IL21R: variants seen among roughly 807,000 people sequenced by gnomAD.
IL21R encodes the protein interleukin 21 receptor, also known as interleukin-21 receptor.
Under a neutral mutation model 41.3 loss-of-function variants are expected in IL21R, and 14 were observed. The observed-to-expected ratio is 0.34, with a 90% CI of 0.22 to 0.53. The LOEUF is 0.53. IL21R is among the 20% of genes least tolerant of loss of function. The pLI, the probability that IL21R is intolerant of heterozygous loss-of-function variation, is 0.94. For missense variants in IL21R, 588 were observed against 681.6 expected (o/e 0.86, Z 1.53); for synonymous variants, 286 against 287.6 (o/e 0.99, Z 0.05).
intron 1 of IL21R, among the ~76,000 whole-genome samples, chr16:27,423,231 G>GTTT (rs35803575): frequency 2.0e-5 from 3 of 148,484 alleles, no homozygotes; most frequent in African/African-American, 2.5e-5. Flanking sequence ...CTCTTGTGCA[G>GTTT]TTTTTTTTTT....
intron 1 of IL21R, chr16:27,427,213 G>A (rs965005185): frequency 1.4e-5 from 12 of 854,144 alleles, no homozygotes; most frequent in Non-Finnish European, 1.5e-5. Flanking sequence ...TGGGTCAGGA[G>A]CCCACTTTGT....
chr16:27,405,262 G>A (rs1290858074), intron 1 of IL21R, among the ~76,000 whole-genome samples: 1 of 151,946 alleles, frequency 6.6e-6, no homozygotes, highest in African/African-American at 2.4e-5. Context: ...TGAACTCCTG[G>A]GCTCAAGTGA....
chr16:27,405,585 G>A (rs1396906195), intron 1 of IL21R, among the ~76,000 whole-genome samples: 1 of 152,164 alleles, frequency 6.6e-6, no homozygotes, highest in East Asian at 1.9e-4. Flanking sequence ...CTTCCTCCAG[G>A]AAGAGGGTCT....
chr16:27,415,040 G>T (rs558693296), intron 1 of IL21R, among the ~76,000 whole-genome samples: 7 of 152,082 alleles, frequency 4.6e-5, no homozygotes, highest in Non-Finnish European at 1.0e-4. Flanking sequence ...GAAGGATGGC[G>T]AAATCAATGA....
chr16:27,440,286 A>AGAGAGAGAGAGAG lies in IL21R; in HGVS notation c.352+2599_352+2600insGAGAGAGAGAGAG, dbSNP rs1567370101. 3.3e-4 allele frequency among the ~76,000 whole-genome samples: 35 copies of AGAGAGAGAGAGAG among 105,422 alleles called. 1 individual carries two copies. The highest frequency in any genetic ancestry group is 1.5e-3 in the African/African-American group (35 of 22,790). 69.2% of individuals were successfully genotyped at this position (105,422 alleles called of 152,430 possible). ...AGAGAGAGAGAGAGAGAGAGCGAGC[A>AGAGAGAGAGAGAG]AGCGCGCGCCAGGGTGTAGCTTTGT... On this transcript the variant is annotated intron_variant, in intron 4 of 8. Coordinates refer to ENST00000337929, the MANE Select transcript of IL21R (RefSeq NM_181078.3).
chr16:27,403,248 A>T (rs904003898), intron 1 of IL21R: 1 of 1,327,196 alleles, frequency 7.5e-7, no homozygotes, highest in East Asian at 4.0e-5. Flanking sequence ...TTCCCTGTGC[A>T]TGTGGAGGAG....
chr16:27,442,741 G>A lies in IL21R; in HGVS notation c.353-221G>A, dbSNP rs535328001. 4.1e-5 allele frequency: 17 copies of A among 412,180 alleles called. No homozygotes were observed. In the East Asian group the frequency reaches 6.9e-4, roughly 17 times the overall value. The allele number at this position is 412,180 out of a possible 1,614,324, so 25.5% of individuals were successfully genotyped here. ...TGCCCGCCCCTGAGTTTGCAATCCTGATCAGGTCTAAATCTCCCAGGTCCC... is the reference window on the plus strand; with the variant it reads ...TGCCCGCCCCTGAGTTTGCAATCCTAATCAGGTCTAAATCTCCCAGGTCCC... On this transcript the variant is annotated intron_variant, in intron 4 of 8. Coordinates refer to ENST00000337929, the MANE Select transcript of IL21R (RefSeq NM_181078.3).
chr16:27,445,881 G>C, intron 7 of IL21R, 126 bp from the exon 8 acceptor site: 1 of 593,364 alleles, frequency 1.7e-6, no homozygotes, highest in Non-Finnish European at 2.9e-6. Context: ...GGGAAGGAGG[G>C]AGGCGCCTGG....
At position 27,402,401 on chromosome 16, in the gene IL21R, C is replaced by G. The variant is rs1189955828; in HGVS notation, c.-234C>G. 6.6e-6 allele frequency: 1 copy of G among 152,640 alleles called. No individual in the cohort carries two copies. Among genetic ancestry groups the G allele is most frequent in the Non-Finnish European group, 1.5e-5 (1 of 68,360 alleles). The allele number at this position is 152,640 out of a possible 1,614,324, so 9.5% of individuals were successfully genotyped here. A position where few individuals can be genotyped will look rare whatever the true frequency, so the allele number is the denominator to read the frequency against. ...CTCTGTCTGCTGCTCTGTGGGACAC[C>G]TGCCTGGAGGCCCAGCTGCCCGTCA... On this transcript the variant is annotated 5_prime_UTR_variant, in exon 1 of 9. Coordinates refer to ENST00000337929, the MANE Select transcript of IL21R (RefSeq NM_181078.3).
chr16:27,445,397 T>C, intron 7 of IL21R, 121 bp downstream of exon 7: 2 of 697,164 alleles, frequency 2.9e-6, no homozygotes, highest in Middle Eastern at 3.8e-4. Flanking sequence ...GATGGGATAA[T>C]AACCAACTCA....
intron 3 of IL21R, among the ~76,000 whole-genome samples, chr16:27,436,211 G>T (rs1327566701): frequency 2.6e-5 from 4 of 152,226 alleles, no homozygotes; most frequent in Non-Finnish European, 5.9e-5. Flanking sequence ...ACAGGCATAA[G>T]CCACCGTGTT....
intron 1 of IL21R, chr16:27,427,297 C>T (rs1052838410): frequency 4.2e-5 from 41 of 985,426 alleles, no homozygotes; most frequent in South Asian, 4.7e-5. Context: ...TGGGAAGAGA[C>T]GCCGGGCAGG....
intron 2 of IL21R, among the ~76,000 whole-genome samples, chr16:27,432,865 T>C (rs890279549): frequency 6.6e-6 from 1 of 152,172 alleles, no homozygotes; most frequent in Non-Finnish European, 1.5e-5. Context: ...GGGAGTGCTG[T>C]GATCCATTAG....
intron 1 of IL21R, among the ~76,000 whole-genome samples, chr16:27,404,295 G>C (rs1192986876): frequency 6.6e-6 from 1 of 152,194 alleles, no homozygotes; most frequent in Non-Finnish European, 1.5e-5. Context: ...AGGACCAGGA[G>C]AGGTGGGGAG....
intron 1 of IL21R, among the ~76,000 whole-genome samples, chr16:27,418,269 C>CT (rs2086930615): frequency 6.6e-6 from 1 of 151,760 alleles, no homozygotes; most frequent in Non-Finnish European, 1.5e-5. Flanking sequence ...TGGGGTTTCA[C>CT]GTGCTAACCA....
rs928015314 is a variant in IL21R, at chr16:27,402,391, T to C, written c.-244T>C. 6.5e-6 allele frequency: 1 copy of C among 152,682 alleles called. No individual in the cohort carries two copies. The highest frequency in any genetic ancestry group is 1.5e-5 in the Non-Finnish European group (1 of 68,400). The allele number at this position is 152,682 out of a possible 1,614,324, so 9.5% of individuals were successfully genotyped here. A position where few individuals can be genotyped will look rare whatever the true frequency, so the allele number is the denominator to read the frequency against. ...CGTCTCTTTCCTCTGTCTGCTGCTC[T>C]GTGGGACACCTGCCTGGAGGCCCAG... On this transcript the variant is annotated 5_prime_UTR_variant, in exon 1 of 9. Transcript: ENST00000337929.
At chr16:27,443,712 G>A (rs1262657547) in intron 5 of IL21R, among the ~76,000 whole-genome samples, 1 of 147,726 alleles carries the variant, frequency 6.8e-6, no homozygotes, top group East Asian at 1.9e-4. Flanking sequence ...GAATCCAGGA[G>A]GCGGAGGTTG....
intron 1 of IL21R, among the ~76,000 whole-genome samples, chr16:27,417,403 G>A (rs2086907102): frequency 6.6e-6 from 1 of 152,138 alleles, no homozygotes; most frequent in Non-Finnish European, 1.5e-5. Flanking sequence ...CTGGGCTCAA[G>A]CAACCCTCCC....
intron 1 of IL21R, among the ~76,000 whole-genome samples, chr16:27,429,234 AT>A (rs2087126887): frequency 1.5e-5 from 2 of 133,092 alleles, no homozygotes; most frequent in South Asian, 6.2e-4. Flanking sequence ...AAAAATAAAC[AT>A]AAAAAAGCCA....
Sources: allele counts gnomAD v4.1 joint callset (sites outside exome capture counted in the v4.1 genomes callset), GRCh38; gene constraint gnomAD v4.1.1; transcripts MANE v1.5; gene names NCBI Gene and HGNC (gene_info 2026-07-23, HGNC 2026-07-21).